Variants in FBXO15 observed in about 807,000 individuals in gnomAD.
The protein encoded by FBXO15 is F-box only protein 15.
FBXO15 carries 30 observed loss-of-function variants against 49.5 expected under a neutral mutation model. The observed-to-expected ratio is 0.61, with a 90% CI of 0.45 to 0.82. The LOEUF is 0.82. Among genes scored for constraint, FBXO15 ranks in the 40% least tolerant of loss-of-function variants. The pLI is 0.00. For missense variants in FBXO15, 591 were observed against 631.5 expected (o/e 0.94, Z 0.69); for synonymous variants, 250 against 232.7 (o/e 1.07, Z -0.68).
At chr18:74,092,347 T>G (rs563237011) in intron 8 of FBXO15, among the ~76,000 whole-genome samples, 1 of 152,192 alleles carries the variant, frequency 6.6e-6, no homozygotes, top group Non-Finnish European at 1.5e-5. Flanking sequence ...TTTTTGTTCT[T>G]ATCCATATTC....
At position 74,135,777 on chromosome 18, in the gene FBXO15, T is replaced by C. The variant is rs1978677552; in HGVS notation, c.317A>G (p.His106Arg). The change falls in exon 3 of 10, where the codon CAT becomes CGT. Residue 106 changes from histidine (H) to arginine (R), a missense_variant. Transcript: ENST00000419743. ...CTGCVSRRFY[H>R]LANDNFIWIG... ...TTCTGCTTACTTGTCATTGGCTAGA[T>C]GATAAAAGCGCCTGCTCACACATCC... 1 of 1,605,950 alleles carries C rather than the reference T, an allele frequency of 6.2e-7. No individual in the cohort carries two copies. Among genetic ancestry groups the C allele is most frequent in the Non-Finnish European group, 8.5e-7 (1 of 1,177,970 alleles).
chr18:74,124,544 C>A lies in FBXO15; in HGVS notation c.940G>T (p.Ala314Ser), dbSNP rs1216769859. The A allele has an allele frequency of 6.2e-7, 1 of 1,613,960 alleles. No individual in the cohort carries two copies. The highest frequency in any genetic ancestry group is 8.5e-7 in the Non-Finnish European group (1 of 1,179,984). Residue 314 changes from alanine (A) to serine (S), a missense_variant, in exon 7 of 10, where the codon GCA (alanine) becomes TCA (serine). By Grantham distance (99) the Ala-to-Ser change is moderately conservative. Coordinates refer to ENST00000419743, the MANE Select transcript of FBXO15 (RefSeq NM_001142958.2). ...KKEEELAFVM[A>S]NLHFHHLVER... is the part of the protein sequence containing the mutation. ...ACAAGGTGATGAAAATGAAGATTTG[C>A]CATAACAAAAGCCAGTTCTTCCTCC... is the stretch of plus-strand genomic sequence containing the variant.
intron 3 of FBXO15, 55 bp downstream of exon 3, chr18:74,135,707 C>T: frequency 7.2e-7 from 1 of 1,388,278 alleles, no homozygotes; most frequent in Non-Finnish European, 9.9e-7. Context: ...ACTAGTTTTC[C>T]TGACTTCCAT....
At chr18:74,094,033 A>T (rs1913169497) in intron 8 of FBXO15, among the ~76,000 whole-genome samples, 1 of 152,206 alleles carries the variant, frequency 6.6e-6, no homozygotes, top group African/African-American at 2.4e-5. Flanking sequence ...TGGATTACAG[A>T]ATGGATGTTG....
chr18:74,101,748 G>A (rs1253673517), intron 8 of FBXO15, among the ~76,000 whole-genome samples: 1 of 152,074 alleles, frequency 6.6e-6, no homozygotes, highest in Non-Finnish European at 1.5e-5. Context: ...AAACAGCATG[G>A]TACTGGTATA....
At chr18:74,134,754 C>G (rs1159391049) in intron 3 of FBXO15, among the ~76,000 whole-genome samples, 2 of 152,074 alleles carry the variant, frequency 1.3e-5, no homozygotes, top group Non-Finnish European at 2.9e-5. Flanking sequence ...TAAACTTTCC[C>G]AGGTGGTTCA....
chr18:74,092,858 C>T lies in FBXO15; in HGVS notation c.1139-10807G>A, dbSNP rs371660144. ...CAGGATCCATGCTTGTTTGCATGGG[C>T]GAGCAGCAGCAGCAGCAGCACAGCA... On this transcript the variant is annotated intron_variant, in intron 8 of 9. Transcript: ENST00000419743. Among the ~76,000 whole-genome samples, 9 of 151,966 alleles carry T rather than the reference C, an allele frequency of 5.9e-5. 1 individual carries two copies. In the South Asian group the frequency reaches 8.3e-4, roughly 14 times the overall value.
At chr18:74,119,387 T>G (rs1316670955) in intron 8 of FBXO15, among the ~76,000 whole-genome samples, 1 of 152,202 alleles carries the variant, frequency 6.6e-6, no homozygotes, top group African/African-American at 2.4e-5. Flanking sequence ...CTATGTGCCA[T>G]GACAGTCCTG....
At chr18:74,124,769 C>T (rs1235769199) in intron 6 of FBXO15, among the ~76,000 whole-genome samples, 198 bp from the exon 7 acceptor site, 1 of 152,146 alleles carries the variant, frequency 6.6e-6, no homozygotes, top group East Asian at 1.9e-4. Flanking sequence ...ATATTGACAG[C>T]AGGACCACAA....
chr18:74,083,704 A>C (rs1251806093), intron 8 of FBXO15, among the ~76,000 whole-genome samples: 4 of 152,222 alleles, frequency 2.6e-5, no homozygotes, highest in Non-Finnish European at 1.5e-5. Flanking sequence ...CAGAACAATT[A>C]TAACACTGTG....
intron 8 of FBXO15, among the ~76,000 whole-genome samples, chr18:74,115,202 C>T (rs564845145): frequency 6.6e-6 from 1 of 152,128 alleles, no homozygotes; most frequent in Non-Finnish European, 1.5e-5. Context: ...CTAAGAGACA[C>T]GAGCTGTTGC....
intron 3 of FBXO15, 167 bp from the exon 4 acceptor site, chr18:74,130,825 A>T: frequency 1.4e-6 from 1 of 732,866 alleles, no homozygotes; most frequent in Non-Finnish European, 2.1e-6. Context: ...GCAGTTTGAG[A>T]TTTAGTGTTT....
chr18:74,089,798 G>A (rs1462457261), intron 8 of FBXO15, among the ~76,000 whole-genome samples: 1 of 152,124 alleles, frequency 6.6e-6, no homozygotes, highest in Non-Finnish European at 1.5e-5. Context: ...GCTTTTTGAT[G>A]TGCTGCTATA....
At chr18:74,106,779 T>C (rs568577558) in intron 8 of FBXO15, among the ~76,000 whole-genome samples, 8 of 152,232 alleles carry the variant, frequency 5.3e-5, no homozygotes, top group South Asian at 2.1e-4. Context: ...CTCAAATCAA[T>C]AGATATTTTT....
chr18:74,100,389 T>C (rs1913461763), intron 8 of FBXO15, among the ~76,000 whole-genome samples: 1 of 151,972 alleles, frequency 6.6e-6, no homozygotes, highest in Non-Finnish European at 1.5e-5. Context: ...AGACAACCTA[T>C]CAAACCTCTA....
intron 9 of FBXO15, among the ~76,000 whole-genome samples, chr18:74,077,196 G>A (rs1912290042): frequency 6.6e-6 from 1 of 152,216 alleles, no homozygotes; most frequent in African/African-American, 2.4e-5. Flanking sequence ...AGTCACTGAA[G>A]CTCAACCACT....
intron 9 of FBXO15, among the ~76,000 whole-genome samples, chr18:74,081,546 G>A (rs1912496314): frequency 6.6e-6 from 1 of 152,214 alleles, no homozygotes; most frequent in South Asian, 2.1e-4. Context: ...TTGGTACATG[G>A]ATGATCAAGA....
At chr18:74,096,145 T>C (rs1480684047) in intron 8 of FBXO15, among the ~76,000 whole-genome samples, 4 of 152,144 alleles carry the variant, frequency 2.6e-5, no homozygotes, top group Non-Finnish European at 4.4e-5. Context: ...CTGTCCCTAC[T>C]TTAAGCCATG....
chr18:74,133,599 C>T (rs1457912865), intron 3 of FBXO15, among the ~76,000 whole-genome samples: 2 of 152,126 alleles, frequency 1.3e-5, no homozygotes, highest in African/African-American at 4.8e-5. Context: ...CTTTGTGTTG[C>T]TACAAAGGAA....
Sources: gnomAD v4.1 joint callset for allele counts (sites outside exome capture counted in the v4.1 genomes callset) on GRCh38, gnomAD v4.1.1 for gene constraint, MANE v1.5 for transcripts, NCBI Gene and HGNC (gene_info 2026-07-23, HGNC 2026-07-21) for gene names.